Variants in PSMB7 observed in about 807,000 individuals in gnomAD.
PSMB7 encodes the protein proteasome subunit beta type-7.
In PSMB7, 5 loss-of-function variants were observed where a neutral mutation model predicts 28.1. That is an observed-to-expected ratio of 0.18 (90% CI 0.09 to 0.37). PSMB7 has a LOEUF of 0.37. Among genes scored for constraint, PSMB7 ranks in the 10% least tolerant of loss-of-function variants. The pLI is 1.00. For synonymous variants in PSMB7, 122 were observed against 123.7 expected (o/e 0.99, Z 0.09); for missense variants, 275 against 346.2 (o/e 0.79, Z 1.63).
At chr9:124,413,193 A>T (rs954598056) in intron 3 of PSMB7, among the ~76,000 whole-genome samples, 1 of 150,620 alleles carries the variant, frequency 6.6e-6, no homozygotes, top group African/African-American at 2.4e-5. Flanking sequence ...AAAAATGTTT[A>T]AAAAAAGGAA....
At chr9:124,390,861 A>G (rs1314098324) in intron 5 of PSMB7, among the ~76,000 whole-genome samples, 1 of 152,208 alleles carries the variant, frequency 6.6e-6, no homozygotes, top group Non-Finnish European at 1.5e-5. Flanking sequence ...CAGGCAGCTT[A>G]TTCCTTACAT....
At chr9:124,357,340 CT>C (rs1830419479) in intron 6 of PSMB7, among the ~76,000 whole-genome samples, 4 of 152,282 alleles carry the variant, frequency 2.6e-5, no homozygotes, top group African/African-American at 9.6e-5. Flanking sequence ...CAATAAAACT[CT>C]ATTAGCAACA....
At chr9:124,414,726 G>C in intron 2 of PSMB7, 116 bp downstream of exon 2, 2 of 793,470 alleles carry the variant, frequency 2.5e-6, no homozygotes, top group African/African-American at 1.7e-5. Context: ...ACGGTCTCCT[G>C]ATGTATTCTA....
In PSMB7 at chr9:124,407,494, C is replaced by A. The variant is rs139123175; in HGVS notation, c.396-2062G>T. On this transcript the variant is annotated intron_variant, in intron 4 of 7. Coordinates refer to ENST00000259457, the MANE Select transcript of PSMB7 (RefSeq NM_002799.4). ...GAAGCCACAATCGCCAGTCCCACCA[C>A]CCCCAACTAGTCCAGTGCCTATTCC... 6.2e-4 allele frequency among the ~76,000 whole-genome samples: 95 copies of A among 152,268 alleles called. No homozygotes were observed. In the East Asian group the frequency reaches 0.016, roughly 25 times the overall value.
At chr9:124,390,319 C>G (rs1830771595) in intron 5 of PSMB7, among the ~76,000 whole-genome samples, 1 of 152,076 alleles carries the variant, frequency 6.6e-6, no homozygotes, top group South Asian at 2.1e-4. Context: ...CTATACATAC[C>G]CACCAAACCA....
intron 6 of PSMB7, among the ~76,000 whole-genome samples, chr9:124,376,887 G>A (rs1023192814): frequency 3.3e-5 from 5 of 152,130 alleles, no homozygotes; most frequent in African/African-American, 1.2e-4. Context: ...TCTACAAAAT[G>A]GAGACAACAA....
intron 6 of PSMB7, among the ~76,000 whole-genome samples, chr9:124,374,285 G>A (rs1370366918): frequency 1.3e-5 from 2 of 152,108 alleles, no homozygotes; most frequent in African/African-American, 4.8e-5. Flanking sequence ...ATTTTTTTAA[G>A]GTGCTGGAAA....
chr9:124,375,744 TA>T (rs534466978), intron 6 of PSMB7, among the ~76,000 whole-genome samples: 27 of 152,316 alleles, frequency 1.8e-4, no homozygotes, highest in Admixed American at 7.2e-4. Flanking sequence ...TGCATTTACT[TA>T]AAACTCTGTG....
At chr9:124,405,476 A>G in intron 4 of PSMB7, 44 bp from the exon 5 acceptor site, 2 of 1,361,130 alleles carry the variant, frequency 1.5e-6, no homozygotes, top group Non-Finnish European at 2.1e-6. Flanking sequence ...TGAGTCCACA[A>G]AGCATCACTG....
chr9:124,401,643 C>A (rs1830908677), intron 5 of PSMB7, among the ~76,000 whole-genome samples: 1 of 152,220 alleles, frequency 6.6e-6, no homozygotes, highest in Non-Finnish European at 1.5e-5. Context: ...CCCCATTAGA[C>A]TGAGTATCTG....
At chr9:124,386,435 C>T (rs1830719254) in intron 5 of PSMB7, among the ~76,000 whole-genome samples, 1 of 152,142 alleles carries the variant, frequency 6.6e-6, no homozygotes, top group African/African-American at 2.4e-5. Flanking sequence ...CAGGTGAGAA[C>T]CAGTCTCAGA....
At chr9:124,392,666 T>C (rs1161285812) in intron 5 of PSMB7, among the ~76,000 whole-genome samples, 1 of 152,194 alleles carries the variant, frequency 6.6e-6, no homozygotes, top group Non-Finnish European at 1.5e-5. Flanking sequence ...TTTTATACAA[T>C]CACTCTCAGC....
intron 5 of PSMB7, among the ~76,000 whole-genome samples, chr9:124,389,225 T>C (rs1289874685): frequency 6.6e-6 from 1 of 152,222 alleles, no homozygotes; most frequent in Admixed American, 6.5e-5. Context: ...TTATATGTCC[T>C]AGTCCAGTCC....
chr9:124,362,118 C>T (rs1318917230), intron 6 of PSMB7, among the ~76,000 whole-genome samples: 2 of 152,186 alleles, frequency 1.3e-5, no homozygotes, highest in African/African-American at 4.8e-5. Flanking sequence ...ACCTAACAGA[C>T]TATTTTATAC....
intron 5 of PSMB7, among the ~76,000 whole-genome samples, chr9:124,387,308 T>C (rs1182916164): frequency 6.6e-6 from 1 of 152,010 alleles, no homozygotes; most frequent in Non-Finnish European, 1.5e-5. Flanking sequence ...ACAGACAAAA[T>C]TTCTATAAGT....
chr9:124,404,668 A>G (rs1830945039), intron 5 of PSMB7, among the ~76,000 whole-genome samples: 1 of 152,128 alleles, frequency 6.6e-6, no homozygotes, highest in Non-Finnish European at 1.5e-5. Context: ...CCTGGCCAAC[A>G]TGGTGAAACC....
chr9:124,404,818 A>G (rs1459263684), intron 5 of PSMB7, among the ~76,000 whole-genome samples: 1 of 152,144 alleles, frequency 6.6e-6, no homozygotes, highest in Non-Finnish European at 1.5e-5. Flanking sequence ...ATGCCACTGC[A>G]CTCCAGCCTG....
Position 124,405,399 on chromosome 9 carries a change from T to A in PSMB7, c.429A>T (p.Leu143Phe), listed in dbSNP as rs776526802. The change falls in exon 5 of 8, where the codon TTA (leucine) becomes TTT (phenylalanine). Residue 143 changes from leucine to phenylalanine, a missense_variant. By Grantham distance (22) the Leu-to-Phe change is conservative (BLOSUM62 0). Around this residue, in one of 2 missense-constraint regions of PSMB7, gnomAD observed 213 missense variants for 302.4 expected, o/e 0.70. Transcript: ENST00000259457. ...YQGYIGAALV[L>F]GGVDVTGPHL... Reference sequence around the variant, plus strand: ...GAGGTCCAGTAACATCTACTCCCCCTAAAACTAGGGCTGCACCAATGTAAC... The same window carrying A: ...GAGGTCCAGTAACATCTACTCCCCCAAAAACTAGGGCTGCACCAATGTAAC... 2.5e-6 allele frequency: 4 copies of A among 1,613,508 alleles called. No individual in the cohort carries two copies. The Admixed American group carries it at 6.7e-5, about 27-fold the overall frequency.
chr9:124,379,991 CCT>C (rs1830649726), intron 6 of PSMB7, among the ~76,000 whole-genome samples: 1 of 152,192 alleles, frequency 6.6e-6, no homozygotes, highest in Non-Finnish European at 1.5e-5. Flanking sequence ...CAAGGAGCTC[CCT>C]CTCTCACTGG....
Sources: allele counts gnomAD v4.1 joint callset (sites outside exome capture counted in the v4.1 genomes callset), GRCh38; gene constraint gnomAD v4.1.1; regional missense constraint gnomAD v4.1.1; transcripts MANE v1.5; gene names NCBI Gene and HGNC (gene_info 2026-07-23, HGNC 2026-07-21).